The following ZC3H12B variants were observed in gnomAD, a reference collection of about 807,000 sequenced individuals.
ZC3H12B encodes the protein probable ribonuclease ZC3H12B.
In ZC3H12B, 7 loss-of-function variants were observed where a neutral mutation model predicts 43.9. That is an observed-to-expected ratio of 0.16 (90% CI 0.09 to 0.30). The LOEUF is 0.30. Among genes scored for constraint, ZC3H12B ranks in the 10% least tolerant of loss-of-function variants. ZC3H12B has a pLI of 1.00. For synonymous variants in ZC3H12B, 222 were observed against 241.7 expected, an observed-to-expected ratio of 0.92 and a Z score of 0.76; for missense variants, 475 against 670.2, an observed-to-expected ratio of 0.71 and a Z score of 3.22.
intron 3 of ZC3H12B, among the ~76,000 whole-genome samples, chrX:65,467,251 G>T (rs2067836891): frequency 9.2e-6 from 1 of 109,036 alleles, no homozygotes; most frequent in Non-Finnish European, 1.9e-5. Context: ...GCCTCCAGCT[G>T]CAACCAAGTT....
the ZC3H12B span, among the ~76,000 whole-genome samples, chrX:65,142,962 A>C: frequency 9.0e-6 from 1 of 111,253 alleles, no homozygotes; most frequent in Non-Finnish European, 1.9e-5. Flanking sequence ...TTTTTTACTT[A>C]GTCTTGCTTT....
chrX:65,391,721 TTCTCCC>T lies in ZC3H12B; in HGVS notation n.296-6851_296-6846del, dbSNP rs202197705. ...AAAAAGCATTTGATAAAATTCAACA[TTCTCCC>T]TCTCCCTCTCCCTCTCCCTCCTCCC... is the stretch of plus-strand genomic sequence containing the variant. On this transcript the variant is annotated intron_variant and non_coding_transcript_variant, in intron 2 of 5. Coordinates refer to the ZC3H12B transcript ENST00000617377. Among the ~76,000 whole-genome samples the T allele has an allele frequency of 5.6e-4, 62 of 110,603 alleles. No individual in the cohort carries two copies. The East Asian group carries it at 7.5e-3, about 13-fold the overall frequency.
the ZC3H12B span, among the ~76,000 whole-genome samples, chrX:65,225,208 C>T: frequency 8.9e-5 from 10 of 112,046 alleles, no homozygotes; most frequent in Admixed American, 1.9e-4. Flanking sequence ...CAGCAGCATT[C>T]GCGGTTCACG....
the ZC3H12B span, among the ~76,000 whole-genome samples, chrX:65,134,119 G>A: frequency 4.5e-5 from 5 of 110,935 alleles, no homozygotes; most frequent in Admixed American, 1.9e-4. Context: ...GGGAGAAGAA[G>A]GGGGAATGGA....
chrX:65,129,497 G>A, the ZC3H12B span, among the ~76,000 whole-genome samples: 48 of 109,426 alleles, frequency 4.4e-4, no homozygotes, highest in African/African-American at 1.2e-3. Context: ...GGGCAGGGGC[G>A]GGGGTCACAA....
chrX:65,446,577 C>T, intron 3 of ZC3H12B, among the ~76,000 whole-genome samples: 1 of 111,966 alleles, frequency 8.9e-6, no homozygotes, highest in African/African-American at 3.2e-5. Context: ...TAAATGCTCC[C>T]TTCACAGGCA....
the ZC3H12B span, among the ~76,000 whole-genome samples, chrX:65,054,942 C>T: frequency 9.0e-6 from 1 of 111,553 alleles, no homozygotes; most frequent in Non-Finnish European, 1.9e-5. Context: ...GATTTTGTAT[C>T]CTGAGACTGC....
the ZC3H12B span, among the ~76,000 whole-genome samples, chrX:65,326,769 A>C: frequency 9.0e-6 from 1 of 111,670 alleles, no homozygotes; most frequent in African/African-American, 3.2e-5. Context: ...TAATCACATT[A>C]ACTTCAAATA....
chrX:65,458,084 T>TAAAAAAAAAAA (rs2067659998), intron 3 of ZC3H12B, among the ~76,000 whole-genome samples: 6 of 48,979 alleles, frequency 1.2e-4, no homozygotes, highest in Non-Finnish European at 1.4e-4. Context: ...AAAAAAAAAA[T>TAAAAAAAAAAA]TAAAAAAAAA....
chrX:65,255,274 T>C, the ZC3H12B span, among the ~76,000 whole-genome samples: 2 of 111,035 alleles, frequency 1.8e-5, no homozygotes, highest in Non-Finnish European at 3.8e-5. Context: ...CCAGGTCAAA[T>C]TGAAAGAAAA....
At chrX:65,124,438 T>A in the ZC3H12B span, among the ~76,000 whole-genome samples, 2 of 110,725 alleles carry the variant, frequency 1.8e-5, no homozygotes, top group East Asian at 2.8e-4. Flanking sequence ...GGGATATTGG[T>A]CTGTAGTTTT....
chrX:65,411,056 T>C (rs777679965), intron 3 of ZC3H12B, among the ~76,000 whole-genome samples: 1 of 112,271 alleles, frequency 8.9e-6, no homozygotes, highest in Non-Finnish European at 1.9e-5. Flanking sequence ...GGAAGCAACC[T>C]AAGTATCCAT....
the ZC3H12B span, among the ~76,000 whole-genome samples, chrX:65,183,603 T>G: frequency 7.1e-5 from 8 of 112,029 alleles, no homozygotes; most frequent in East Asian, 1.7e-3. Flanking sequence ...GGTTGTGGAA[T>G]CAACGTTACA....
At chrX:65,169,633 G>T in the ZC3H12B span, among the ~76,000 whole-genome samples, 994 of 111,525 alleles carry the variant, frequency 8.9e-3, 18 homozygotes, top group African/African-American at 0.031. Flanking sequence ...TGACAGTGGG[G>T]TGTTAAAGTC....
At chrX:65,123,513 A>G in the ZC3H12B span, among the ~76,000 whole-genome samples, 1 of 110,310 alleles carries the variant, frequency 9.1e-6, no homozygotes, top group African/African-American at 3.3e-5. Flanking sequence ...TAGTTCTGTG[A>G]TGAATGATGG....
chrX:65,083,016 G>T, the ZC3H12B span, among the ~76,000 whole-genome samples: 1 of 110,849 alleles, frequency 9.0e-6, no homozygotes, highest in South Asian at 3.8e-4. Context: ...AAAACATATG[G>T]TCATTTCAGT....
the ZC3H12B span, among the ~76,000 whole-genome samples, chrX:65,043,605 TA>T: frequency 9.0e-6 from 1 of 111,207 alleles, no homozygotes; most frequent in Non-Finnish European, 1.9e-5. Flanking sequence ...TAACACACTT[TA>T]AAAGAAGTCT....
the ZC3H12B span, among the ~76,000 whole-genome samples, chrX:65,117,679 G>T: frequency 8.9e-6 from 1 of 111,739 alleles, no homozygotes; most frequent in Non-Finnish European, 1.9e-5. Context: ...TTCTTCTAGG[G>T]TTTTTATGCT....
chrX:65,291,690 TAGTG>T, the ZC3H12B span, among the ~76,000 whole-genome samples: 14 of 112,187 alleles, frequency 1.2e-4, 1 homozygote, highest in South Asian at 5.0e-3. Flanking sequence ...ATTTTTTAAT[TAGTG>T]ATGATAATTA....
Sources: allele counts gnomAD v4.1 joint callset (sites outside exome capture counted in the v4.1 genomes callset), GRCh38; gene constraint gnomAD v4.1.1; transcripts MANE v1.5; gene names NCBI Gene and HGNC (gene_info 2026-07-23, HGNC 2026-07-21).